GC: variants seen among roughly 807,000 people sequenced by gnomAD.
GC encodes the protein GC vitamin D binding protein.
A neutral mutation model predicts 56.7 loss-of-function variants in GC; 43 were observed. The observed-to-expected ratio is 0.76, with a 90% CI of 0.59 to 0.98. GC has a LOEUF of 0.98. Among genes scored for constraint, GC ranks in the 50% least tolerant of loss-of-function variants. The pLI is 0.00. For synonymous variants in GC, 216 were observed against 202.7 expected, an observed-to-expected ratio of 1.07 and a Z score of -0.56; for missense variants, 529 against 545.9, an observed-to-expected ratio of 0.97 and a Z score of 0.31.
At chr4:71,779,870 G>T (rs1374608548) in intron 1 of GC, among the ~76,000 whole-genome samples, 1 of 151,804 alleles carries the variant, frequency 6.6e-6, no homozygotes, top group African/African-American at 2.4e-5. Context: ...GACAGGGAAG[G>T]AAGAGAAGGA....
In GC at chr4:71,769,631, A is replaced by AAACTAATAC. The variant is rs1261134601; in HGVS notation, c.59-240_59-232dup. 6.6e-6 allele frequency: 3 copies of AAACTAATAC among 454,310 alleles called. No homozygotes were observed. The East Asian group carries it at 1.2e-4, about 18-fold the overall frequency. The allele number at this position is 454,310 out of a possible 1,614,324, so 28.1% of individuals were successfully genotyped here. Reference sequence around the variant, plus strand: ...CACCAGCAGAACAAAAGGAGAGAGTAAACTAATACTGAACGTAAGTGAGTC... The same window carrying AAACTAATAC: ...CACCAGCAGAACAAAAGGAGAGAGTAAACTAATACAACTAATACTGAACGTAAGTGAGTC... On this transcript the variant is annotated intron_variant, in intron 1 of 12. Transcript: ENST00000273951.
intron 11 of GC, 30 bp downstream of exon 11, chr4:71,752,488 C>T (rs1432054734): frequency 3.8e-6 from 6 of 1,586,358 alleles, no homozygotes; most frequent in Non-Finnish European, 5.2e-6. Flanking sequence ...AAGATTCTGC[C>T]ATGTTAAGTG....
At chr4:71,769,569 C>T in intron 1 of GC, 169 bp from the exon 2 acceptor site, 1 of 562,080 alleles carries the variant, frequency 1.8e-6, no homozygotes. Context: ...TCTCTCATAA[C>T]AGGCCACAAT....
upstream of GC, among the ~76,000 whole-genome samples, chr4:71,788,573 A>G (rs16847043): frequency 6.5e-3 from 978 of 151,458 alleles, 16 homozygotes; most frequent in African/African-American, 0.023. Context: ...TACATCACTG[A>G]AGAGAAACAG....
chr4:71,792,029 T>A (rs1171650514), intron 1 of GC, among the ~76,000 whole-genome samples: 1 of 152,228 alleles, frequency 6.6e-6, no homozygotes, highest in African/African-American at 2.4e-5. Context: ...TATTCCATGG[T>A]GTATGTGTGC....
Position 71,798,197 on chromosome 4 carries a change from A to G in GC, c.21+5729T>C, listed in dbSNP as rs563844753. 3.1e-4 allele frequency among the ~76,000 whole-genome samples: 47 copies of G among 152,284 alleles called. 1 individual carries two copies. Among genetic ancestry groups the G allele is most frequent in the African/African-American group, 1.1e-3 (45 of 41,548 alleles). ...TCCTATTTTGCTGCTGATGTTCCCT[A>G]TCTATTCACTTGACTATATTTGCTT... On this transcript the variant is annotated intron_variant, in intron 1 of 13. Coordinates refer to the GC transcript ENST00000504199.
chr4:71,786,158 C>G (rs549578222), upstream of GC: 1 of 151,960 alleles, frequency 6.6e-6, no homozygotes, highest in Non-Finnish European at 1.5e-5. Context: ...CTTGAGAAAT[C>G]TCTATACGAG....
intron 12 of GC, among the ~76,000 whole-genome samples, chr4:71,743,127 G>GA (rs1741242506): frequency 6.6e-6 from 1 of 152,212 alleles, no homozygotes; most frequent in South Asian, 2.1e-4. Context: ...TTTTTAATAA[G>GA]ACTCTAATTG....
intron 8 of GC, 44 bp downstream of exon 8, chr4:71,756,668 A>G (rs1293237253): frequency 7.1e-7 from 1 of 1,405,954 alleles, no homozygotes; most frequent in East Asian, 2.3e-5. Context: ...TTTTGTCCAG[A>G]TGAACTTAAA....
intron 7 of GC, among the ~76,000 whole-genome samples, 153 bp downstream of exon 7, chr4:71,757,889 A>G (rs986011110): frequency 6.6e-6 from 1 of 152,156 alleles, no homozygotes; most frequent in Non-Finnish European, 1.5e-5. Context: ...TCACCTGTAC[A>G]GTGATGTTAA....
intron 12 of GC, among the ~76,000 whole-genome samples, chr4:71,745,470 A>C (rs1741335599): frequency 1.3e-5 from 2 of 152,226 alleles, no homozygotes; most frequent in Non-Finnish European, 2.9e-5. Context: ...AAACGTTGAC[A>C]TTATTGAAAA....
intron 1 of GC, among the ~76,000 whole-genome samples, chr4:71,790,484 T>G (rs777826919): frequency 1.3e-5 from 2 of 152,020 alleles, no homozygotes; most frequent in African/African-American, 2.4e-5. Flanking sequence ...TGTTTAATGT[T>G]CTTATTGCTA....
intron 1 of GC, among the ~76,000 whole-genome samples, chr4:71,792,436 A>G (rs111854791): frequency 1.3e-5 from 2 of 150,540 alleles, no homozygotes; most frequent in Non-Finnish European, 3.0e-5. Context: ...GCATTTTTTC[A>G]TGTTGACTGC....
At chr4:71,754,179 A>G (rs1177650300) in intron 10 of GC, among the ~76,000 whole-genome samples, 2 of 152,164 alleles carry the variant, frequency 1.3e-5, no homozygotes, top group Admixed American at 1.3e-4. Flanking sequence ...ATTGTATCCA[A>G]TAGGGAATTC....
chr4:71,786,978 G>T (rs773937847), upstream of GC, among the ~76,000 whole-genome samples: 2 of 151,826 alleles, frequency 1.3e-5, no homozygotes, highest in Non-Finnish European at 2.9e-5. Flanking sequence ...TTGATGTACA[G>T]AGAAGAACAG....
chr4:71,767,713 A>C (rs1335214736), intron 3 of GC, among the ~76,000 whole-genome samples: 1 of 151,294 alleles, frequency 6.6e-6, no homozygotes, highest in Non-Finnish European at 1.5e-5. Flanking sequence ...TTTTGGTTAC[A>C]TGGCTAAGTT....
chr4:71,787,203 T>A (rs113753197), upstream of GC, among the ~76,000 whole-genome samples: 26 of 152,066 alleles, frequency 1.7e-4, 2 homozygotes, highest in African/African-American at 6.3e-4. Context: ...AGACTGTGTT[T>A]CTGCCTCCCT....
At chr4:71,747,083 G>A (rs1741400450) in intron 11 of GC, among the ~76,000 whole-genome samples, 1 of 152,104 alleles carries the variant, frequency 6.6e-6, no homozygotes, top group Non-Finnish European at 1.5e-5. Flanking sequence ...AAAAGAGAAG[G>A]AGAAATAAAA....
At chr4:71,803,731 C>T (rs1273417267) in intron 1 of GC, among the ~76,000 whole-genome samples, 1 of 152,148 alleles carries the variant, frequency 6.6e-6, no homozygotes, top group Non-Finnish European at 1.5e-5. Context: ...AGAGCTAATA[C>T]CACTAACAGT....
Sources: allele counts gnomAD v4.1 joint callset (sites outside exome capture counted in the v4.1 genomes callset), GRCh38; gene constraint gnomAD v4.1.1; transcripts MANE v1.5; gene names NCBI Gene and HGNC (gene_info 2026-07-23, HGNC 2026-07-21).